The following SYT9 variants were observed in gnomAD, a reference collection of about 807,000 sequenced individuals.
The protein encoded by SYT9 is synaptotagmin 9, also known as synaptotagmin-9.
SYT9 carries 22 observed loss-of-function variants against 48.4 expected under a neutral mutation model. The observed-to-expected ratio is 0.45, with a 90% CI of 0.32 to 0.65. SYT9 has a LOEUF of 0.65. Among genes scored for constraint, SYT9 ranks in the 30% least tolerant of loss-of-function variants. SYT9 has a pLI of 0.03. For synonymous variants in SYT9, 265 were observed against 245.0 expected (o/e 1.08, Z -0.76); for missense variants, 577 against 622.0 (o/e 0.93, Z 0.77).
Position 7,334,977 on chromosome 11 carries a change from C to T in SYT9, c.1044+21036C>T, listed in dbSNP as rs531548786. Among the ~76,000 whole-genome samples, 6 of 152,272 alleles carry T rather than the reference C, an allele frequency of 3.9e-5. No homozygotes were observed. The South Asian group carries it at 1.2e-3, about 32-fold the overall frequency. ...TGTATGGACATATGCTTTTACTTCT[C>T]TCACATAATGACCTAGGAATAGACT... On this transcript the variant is annotated intron_variant, in intron 3 of 6. Transcript: ENST00000318881.
chr11:7,362,525 T>G (rs992637860), intron 3 of SYT9, among the ~76,000 whole-genome samples: 1 of 152,192 alleles, frequency 6.6e-6, no homozygotes, highest in Non-Finnish European at 1.5e-5. Flanking sequence ...TATTTTTAAC[T>G]GGGCCCATGG....
intron 3 of SYT9, among the ~76,000 whole-genome samples, chr11:7,357,153 A>G (rs572062201): frequency 9.1e-4 from 138 of 152,302 alleles, no homozygotes; most frequent in Middle Eastern, 3.4e-3. Flanking sequence ...GTGATGAAAA[A>G]TCAAGCCATG....
intron 3 of SYT9, among the ~76,000 whole-genome samples, chr11:7,401,892 T>C (rs1168757881): frequency 1.3e-5 from 2 of 151,904 alleles, no homozygotes; most frequent in African/African-American, 4.8e-5. Context: ...TTTTGTTTCA[T>C]TTTCTCTTGT....
At chr11:7,342,690 G>A (rs1335494804) in intron 3 of SYT9, among the ~76,000 whole-genome samples, 2 of 152,176 alleles carry the variant, frequency 1.3e-5, no homozygotes, top group African/African-American at 4.8e-5. Context: ...GGGGTCTCGA[G>A]GACAGTGACC....
rs1479513695 is a variant in SYT9 at position 7,467,785 on chromosome 11, A to G, written c.*985A>G. The stretch of plus-strand genomic sequence containing the variant: ...GCCTTCTGGGGTATTTCCATATGCA[A>G]CAGCCCAGAGTCATAGCCTTGGGCA... On this transcript the variant is annotated 3_prime_UTR_variant, in exon 7 of 7. Transcript: ENST00000318881. The G allele has an allele frequency of 6.5e-6, 1 of 152,780 alleles. No homozygotes were observed. The highest frequency in any genetic ancestry group is 1.5e-5 in the Non-Finnish European group (1 of 68,484). 9.5% of individuals were successfully genotyped at this position (152,780 alleles called of 1,614,324 possible).
chr11:7,432,983 A>G (rs72846817), intron 6 of SYT9, among the ~76,000 whole-genome samples: 1 of 152,186 alleles, frequency 6.6e-6, no homozygotes, highest in Non-Finnish European at 1.5e-5. Flanking sequence ...TCCCTGCCCA[A>G]ATCTCATGTT....
At chr11:7,263,702 A>G (rs1398625835) in intron 1 of SYT9, among the ~76,000 whole-genome samples, 1 of 152,150 alleles carries the variant, frequency 6.6e-6, no homozygotes, top group Non-Finnish European at 1.5e-5. Context: ...GATGACAACC[A>G]AGAACTGACC....
rs377050657 is a variant in SYT9, at chr11:7,251,997, G to A, written c.-190G>A. 594 of 526,120 alleles carry A rather than the reference G, an allele frequency of 1.1e-3. 4 individuals carry two copies. Among genetic ancestry groups the A allele is most frequent in the Middle Eastern group, 9.0e-3 (17 of 1,898 alleles). The allele number at this position is 526,120 out of a possible 1,614,324, so 32.6% of individuals were successfully genotyped here. ...GAGAAAGCCTGACCGACCGGCTGGC[G>A]AAGAGCTGCATGCAACCGGTGGGAG... On this transcript the variant is annotated 5_prime_UTR_variant, in exon 1 of 7. Coordinates refer to ENST00000318881, the MANE Select transcript of SYT9 (RefSeq NM_175733.4).
At chr11:7,270,278 A>G (rs552689780) in intron 1 of SYT9, among the ~76,000 whole-genome samples, 191 of 152,296 alleles carry the variant, frequency 1.3e-3, no homozygotes, top group Middle Eastern at 3.4e-3. Flanking sequence ...CTCTCCCCTC[A>G]AGGGCACATT....
intron 1 of SYT9, among the ~76,000 whole-genome samples, chr11:7,240,728 G>T (rs142413624): frequency 1.3e-5 from 2 of 152,234 alleles, no homozygotes; most frequent in South Asian, 4.1e-4. Flanking sequence ...ATGTACTTTT[G>T]TTTTAATCAA....
intron 6 of SYT9, among the ~76,000 whole-genome samples, chr11:7,449,796 G>C (rs1848010134): frequency 6.6e-6 from 1 of 152,124 alleles, no homozygotes; most frequent in Non-Finnish European, 1.5e-5. Context: ...GTTTGAGAGA[G>C]GGCCTGAACT....
chr11:7,411,906 T>G (rs187399562), intron 3 of SYT9, among the ~76,000 whole-genome samples: 1 of 152,296 alleles, frequency 6.6e-6, no homozygotes, highest in East Asian at 1.9e-4. Flanking sequence ...TTTTATTCTT[T>G]TTATTTATTT....
intron 6 of SYT9, among the ~76,000 whole-genome samples, chr11:7,452,932 A>G (rs7126364): frequency 0.43 from 64,659 of 151,680 alleles, 16,966 homozygotes; most frequent in African/African-American, 0.74. Flanking sequence ...ACAGTCATGC[A>G]CCACCACGCC....
chr11:7,264,456 A>G (rs954679902), intron 1 of SYT9, among the ~76,000 whole-genome samples: 1 of 152,008 alleles, frequency 6.6e-6, no homozygotes, highest in African/African-American at 2.4e-5. Flanking sequence ...GTAGCAAAAG[A>G]GTTGAGGGTA....
At chr11:7,372,669 C>G (rs1022011763) in intron 3 of SYT9, among the ~76,000 whole-genome samples, 1 of 151,970 alleles carries the variant, frequency 6.6e-6, no homozygotes, top group Non-Finnish European at 1.5e-5. Context: ...TGTAGGAATT[C>G]TTTATTTTTA....
At position 7,348,688 on chromosome 11, in the gene SYT9, C is replaced by CTTTTTTTTTTTTTTTTTTT. The variant is rs34752256; in HGVS notation, c.1044+34758_1044+34776dup. On this transcript the variant is annotated intron_variant, in intron 3 of 6. Coordinates refer to ENST00000318881, the MANE Select transcript of SYT9 (RefSeq NM_175733.4). ...CCAGGTATCAGAGCCATCAGACCTC[C>CTTTTTTTTTTTTTTTTTTT]TTTTTTTTTTTTTTTTTTTTTTTTT... 1.0e-3 allele frequency among the ~76,000 whole-genome samples: 49 copies of CTTTTTTTTTTTTTTTTTTT among 47,116 alleles called. 9 individuals carry two copies. Among genetic ancestry groups the CTTTTTTTTTTTTTTTTTTT allele is most frequent in the Admixed American group, 1.7e-3 (4 of 2,334 alleles). The allele number at this position is 47,116 out of a possible 152,430, so 30.9% of individuals were successfully genotyped here.
chr11:7,287,784 T>G (rs940103028), intron 1 of SYT9, among the ~76,000 whole-genome samples: 1 of 152,222 alleles, frequency 6.6e-6, no homozygotes, highest in Non-Finnish European at 1.5e-5. Context: ...CTTTCTTATT[T>G]TGGGACAATG....
At position 7,343,989 on chromosome 11, in the gene SYT9, C is replaced by T. The variant is rs148934852; in HGVS notation, c.1044+30048C>T. 3.1e-4 allele frequency among the ~76,000 whole-genome samples: 47 copies of T among 152,278 alleles called. No homozygotes were observed. The East Asian group carries it at 7.9e-3, about 26-fold the overall frequency. On this transcript the variant is annotated intron_variant, in intron 3 of 6. Coordinates refer to ENST00000318881, the MANE Select transcript of SYT9 (RefSeq NM_175733.4). ...AGAACAGTATGCTGGAAACTGCCCTCATGATTCAATTATCTCCCACCAGGT... is the reference window on the plus strand; with the variant it reads ...AGAACAGTATGCTGGAAACTGCCCTTATGATTCAATTATCTCCCACCAGGT...
intron 1 of SYT9, among the ~76,000 whole-genome samples, chr11:7,273,740 A>G (rs1337678433): frequency 6.6e-6 from 1 of 152,208 alleles, no homozygotes; most frequent in Non-Finnish European, 1.5e-5. Context: ...ATTGAATAAA[A>G]TAAAATTATT....
Sources: allele counts gnomAD v4.1 joint callset (sites outside exome capture counted in the v4.1 genomes callset), GRCh38; gene constraint gnomAD v4.1.1; transcripts MANE v1.5; gene names NCBI Gene and HGNC (gene_info 2026-07-23, HGNC 2026-07-21).